SMURF1: variants seen among roughly 807,000 people sequenced by gnomAD.
The protein encoded by SMURF1 is SMAD specific E3 ubiquitin protein ligase 1, also known as E3 ubiquitin-protein ligase SMURF1.
SMURF1 carries 44 observed loss-of-function variants against 98.0 expected under a neutral mutation model. The ratio of observed to expected loss-of-function variants is 0.45; its 90% confidence interval spans 0.35 to 0.58. The LOEUF (loss-of-function observed/expected upper bound fraction) is 0.58. Ranked by LOEUF, SMURF1 falls within the 20% of genes least tolerant of loss-of-function variation. The pLI, the probability that SMURF1 is intolerant of heterozygous loss-of-function variation, is 0.00. For synonymous variants in SMURF1, 396 were observed against 374.9 expected, an observed-to-expected ratio of 1.06 and a Z score of -0.65; for missense variants, 687 against 938.4, an observed-to-expected ratio of 0.73 and a Z score of 3.50.
At chr7:99,092,846 T>C (rs1796846707) in intron 1 of SMURF1, among the ~76,000 whole-genome samples, 1 of 152,198 alleles carries the variant, frequency 6.6e-6, no homozygotes, top group Non-Finnish European at 1.5e-5. Context: ...GAAGACAATG[T>C]TGCAACTTGA....
intron 6 of SMURF1, among the ~76,000 whole-genome samples, chr7:99,053,661 T>C (rs966877984): frequency 1.3e-5 from 2 of 152,222 alleles, no homozygotes; most frequent in Non-Finnish European, 2.9e-5. Flanking sequence ...TTGTTGATTA[T>C]ATTCCCTTGG....
intron 1 of SMURF1, among the ~76,000 whole-genome samples, chr7:99,138,237 C>T (rs551400334): frequency 3.3e-5 from 5 of 152,192 alleles, no homozygotes; most frequent in African/African-American, 9.6e-5. Flanking sequence ...CAGAGCATGG[C>T]GAAGATATCA....
intron 2 of SMURF1, among the ~76,000 whole-genome samples, chr7:99,061,153 G>C (rs1291182092): frequency 6.6e-6 from 1 of 152,194 alleles, no homozygotes; most frequent in African/African-American, 2.4e-5. Flanking sequence ...AGTTGTCAGA[G>C]ATAGAGATGG....
chr7:99,101,198 C>T (rs1158300605), intron 1 of SMURF1, among the ~76,000 whole-genome samples: 1 of 152,052 alleles, frequency 6.6e-6, no homozygotes, highest in African/African-American at 2.4e-5. Flanking sequence ...TGGCAAAATC[C>T]CATCTCTACA....
Position 99,095,754 on chromosome 7 carries a change from A to T in SMURF1, c.56-33917T>A, listed in dbSNP as rs1796943908. Among the ~76,000 whole-genome samples, 3 of 152,212 alleles carry T rather than the reference A, an allele frequency of 2.0e-5. No individual in the cohort carries two copies. In the South Asian group the frequency reaches 6.2e-4, roughly 32 times the overall value. ...CAACTTAGCCACGGGGGCCTGGGGG[A>T]GATGAGAATTGCGCACTTAGCATTA... On this transcript the variant is annotated intron_variant, in intron 1 of 17. Transcript: ENST00000361368.
rs186947310 is a variant in SMURF1, at chr7:99,104,710, C to G, written c.55+39016G>C. ...TGGCTGTTCCATAATGTATTAAGAT[C>G]CCTAGTGCTAGGCATTTAAACTGCT... On this transcript the variant is annotated intron_variant, in intron 1 of 17. Coordinates refer to ENST00000361368, the MANE Select transcript of SMURF1 (RefSeq NM_181349.3). Among the ~76,000 whole-genome samples the G allele has an allele frequency of 3.0e-3, 455 of 152,264 alleles. 2 individuals carry two copies. Among genetic ancestry groups the G allele is most frequent in the African/African-American group, 0.01 (436 of 41,538 alleles).
Position 99,035,512 on chromosome 7 carries a change from C to A in SMURF1, c.2011+3G>T. ...CGAATAGCCCTGCCTCCACGTCAGT[C>A]ACCTTGCAAAGCCTTGAAGCCTTGG... On this transcript the variant is annotated splice_donor_region_variant and intron_variant, in intron 16 of 17. Transcript: ENST00000361368. 2 of 1,614,140 alleles carry A rather than the reference C, an allele frequency of 1.2e-6. No individual in the cohort carries two copies. Among genetic ancestry groups the A allele is most frequent in the Non-Finnish European group, 8.5e-7 (1 of 1,180,044 alleles).
At chr7:99,116,607 A>G (rs1584195883) in intron 1 of SMURF1, among the ~76,000 whole-genome samples, 1 of 152,232 alleles carries the variant, frequency 6.6e-6, no homozygotes, top group South Asian at 2.1e-4. Flanking sequence ...AGAGAATTCC[A>G]TCTACATTAG....
chr7:99,039,370 GA>G (rs774563840), intron 13 of SMURF1, among the ~76,000 whole-genome samples: 10 of 151,714 alleles, frequency 6.6e-5, no homozygotes, highest in Non-Finnish European at 1.5e-4. Flanking sequence ...TTTTGAGACA[GA>G]GACTCACTCT....
intron 1 of SMURF1, among the ~76,000 whole-genome samples, chr7:99,101,307 G>A (rs1797074715): frequency 6.6e-6 from 1 of 152,154 alleles, no homozygotes; most frequent in Non-Finnish European, 1.5e-5. Flanking sequence ...AGGAGCTCGA[G>A]GCTGTAGTGA....
At chr7:99,042,655 CA>C (rs202218249) in intron 11 of SMURF1, among the ~76,000 whole-genome samples, 1 of 151,510 alleles carries the variant, frequency 6.6e-6, no homozygotes, top group African/African-American at 2.4e-5. Context: ...ACAGTCAAGC[CA>C]AAAAAAAGGC....
chr7:99,032,308 A>C (rs892880333), intron 17 of SMURF1, among the ~76,000 whole-genome samples: 13 of 152,150 alleles, frequency 8.5e-5, no homozygotes, highest in Admixed American at 7.8e-4. Flanking sequence ...TGACACAAGC[A>C]CTACTGCCAG....
At chr7:99,117,722 T>G (rs538626995) in intron 1 of SMURF1, among the ~76,000 whole-genome samples, 9 of 152,042 alleles carry the variant, frequency 5.9e-5, no homozygotes, top group East Asian at 1.9e-4. Context: ...GTTAAGAAAG[T>G]AAAAAGATAA....
chr7:99,076,879 G>T (rs1362526037), intron 1 of SMURF1, among the ~76,000 whole-genome samples: 1 of 151,978 alleles, frequency 6.6e-6, no homozygotes, highest in South Asian at 2.1e-4. Context: ...GTGCCTGCAT[G>T]TGTGTGCACG....
At chr7:99,104,458 T>C (rs550522644) in intron 1 of SMURF1, among the ~76,000 whole-genome samples, 1 of 152,242 alleles carries the variant, frequency 6.6e-6, no homozygotes, top group East Asian at 1.9e-4. Context: ...GAAACCCCCC[T>C]CTTCCACTTA....
At position 99,052,403 on chromosome 7, in the gene SMURF1, A is replaced by T; in HGVS notation, c.523T>A (p.Phe175Ile). Residue 175 changes from phenylalanine (F) to isoleucine (I), a missense_variant, in exon 7 of 18, where the codon TTC becomes ATC. Transcript: ENST00000361368. ...GTGTAAGGGGCTGGTTCCTCCATGAAGCAGCTGAGCGGCCTCCCAGGCCCG... is the reference window on the plus strand; with the variant it reads ...GTGTAAGGGGCTGGTTCCTCCATGATGCAGCTGAGCGGCCTCCCAGGCCCG... ...DSGPGRPLSC[F>I]MEEPAPYTDS... 1.9e-6 allele frequency: 3 copies of T among 1,601,136 alleles called. No homozygotes were observed. The highest frequency in any genetic ancestry group is 1.7e-6 in the Non-Finnish European group (2 of 1,172,648).
chr7:99,040,804 CT>C (rs1795347179), intron 12 of SMURF1, among the ~76,000 whole-genome samples: 1 of 152,208 alleles, frequency 6.6e-6, no homozygotes, highest in African/African-American at 2.4e-5. Context: ...GGCCATATAA[CT>C]GGCAGAGGAG....
chr7:99,109,079 T>C (rs1797265580), intron 1 of SMURF1, among the ~76,000 whole-genome samples: 1 of 152,180 alleles, frequency 6.6e-6, no homozygotes, highest in African/African-American at 2.4e-5. Context: ...ACCTAGGTTT[T>C]CCAGACCCCT....
intron 1 of SMURF1, among the ~76,000 whole-genome samples, chr7:99,133,391 A>T (rs1196874015): frequency 6.6e-6 from 1 of 151,986 alleles, no homozygotes; most frequent in Non-Finnish European, 1.5e-5. Flanking sequence ...AAATTAAAAA[A>T]GAAAAAAAAA....
Sources: gnomAD v4.1 joint callset for allele counts (sites outside exome capture counted in the v4.1 genomes callset) on GRCh38, gnomAD v4.1.1 for gene constraint, MANE v1.5 for transcripts, NCBI Gene and HGNC (gene_info 2026-07-23, HGNC 2026-07-21) for gene names.